The following GPRC5D variants were observed in gnomAD, a reference collection of about 807,000 sequenced individuals.
The protein encoded by GPRC5D is G protein-coupled receptor class C group 5 member D, also known as G protein-coupled receptor family C group 5 member D.
A neutral mutation model predicts 29.3 loss-of-function variants in GPRC5D; 20 were observed. The ratio of observed to expected loss-of-function variants is 0.68; its 90% CI spans 0.48 to 0.99. The LOEUF (loss-of-function observed/expected upper bound fraction) is 0.99, where lower values mean the gene tolerates loss of function less well. GPRC5D is among the 50% of genes least tolerant of loss of function. The pLI is 0.00. For missense variants in GPRC5D, 384 were observed against 423.6 expected (o/e 0.91, Z 0.82); for synonymous variants, 178 against 171.3 (o/e 1.04, Z -0.30).
At chr12:12,950,491 T>C, upstream of GPRC5D, 1 of 770,576 alleles carries the variant, frequency 1.3e-6, no homozygotes, top group Non-Finnish European at 2.1e-6. Flanking sequence ...GCAAAAGTAA[T>C]TGTGCTTTTT....
chr12:12,944,046 T>C (rs987518384), intron 1 of GPRC5D, among the ~76,000 whole-genome samples: 2 of 152,226 alleles, frequency 1.3e-5, no homozygotes, highest in South Asian at 2.1e-4. Flanking sequence ...TCTCGGAGCC[T>C]GGGCACATGC....
At chr12:12,944,885 CTT>C (rs1485361103) in intron 1 of GPRC5D, among the ~76,000 whole-genome samples, 2 of 127,504 alleles carry the variant, frequency 1.6e-5, no homozygotes, top group African/African-American at 5.6e-5. Flanking sequence ...TTCTTTCTTT[CTT>C]TCTTTCTTTC....
At chr12:12,949,855 A>T (rs541470594) in exon 1 of GPRC5D, 3 of 1,614,182 alleles carry the variant, frequency 1.9e-6, no homozygotes, top group Middle Eastern at 1.6e-4. Context: ...CAGGAAGAGG[A>T]CATAGACCAG....
exon 1 of GPRC5D, chr12:12,950,149 G>C (rs1863456390): frequency 6.2e-7 from 1 of 1,613,954 alleles, no homozygotes; most frequent in African/African-American, 1.3e-5. Context: ...GATGATGAAG[G>C]CAAAAGCGAG....
At chr12:12,950,298 C>T (rs1863461613) in exon 1 of GPRC5D, 1 of 1,613,092 alleles carries the variant, frequency 6.2e-7, no homozygotes, top group African/African-American at 1.3e-5. Context: ...CAAGTATGGC[C>T]AGGGACTCCA....
rs375576408 is a variant in GPRC5D, at chr12:12,942,692, G to A, written c.896-364C>T. On this transcript the variant is annotated intron_variant, in intron 1 of 2. Transcript: ENST00000228887. ...GGAGGTTGCAGTGAGCCGAGATCAC[G>A]CCACTGCATTCCAGCCTGGGTGACA... 6.6e-4 allele frequency among the ~76,000 whole-genome samples: 100 copies of A among 152,250 alleles called. No homozygotes were observed. The East Asian group carries it at 0.012, about 19-fold the overall frequency.
rs199600088 is a variant in GPRC5D, at chr12:12,949,774, C to T, written c.611G>A (p.Arg204Lys). 5.0e-6 allele frequency: 8 copies of T among 1,614,062 alleles called. 1 individual carries two copies. The South Asian group carries it at 6.6e-5, about 13-fold the overall frequency. Residue 204 changes from arginine to lysine, a missense_variant, in exon 1 of 3, where the codon AGG becomes AAG. Arg to Lys is a conservative substitution (Grantham distance 26). Coordinates refer to ENST00000228887, the Ensembl canonical transcript of GPRC5D. ...GAAGAGCACAGTGATAAAGATGAGC[C>T]TTCCATGCTGCTTCCAGTTCTCACA...
chr12:12,949,165 T>G (rs1458805225), intron 1 of GPRC5D, among the ~76,000 whole-genome samples: 1 of 152,224 alleles, frequency 6.6e-6, no homozygotes, highest in Non-Finnish European at 1.5e-5. Context: ...AGGCCTAATT[T>G]AGGGCCAGTT....
At chr12:12,947,869 T>A (rs888273891) in intron 1 of GPRC5D, among the ~76,000 whole-genome samples, 2 of 152,216 alleles carry the variant, frequency 1.3e-5, no homozygotes, top group African/African-American at 4.8e-5. Flanking sequence ...ATCTGTATGT[T>A]CTTTACAACA....
intron 1 of GPRC5D, among the ~76,000 whole-genome samples, chr12:12,944,197 G>A (rs1863217909): frequency 1.3e-5 from 2 of 152,048 alleles, no homozygotes; most frequent in African/African-American, 4.8e-5. Flanking sequence ...TTGAACTCCT[G>A]GACTCAAGTG....
chr12:12,944,833 CCTTCCTTCCT>C (rs1565477229), intron 1 of GPRC5D, among the ~76,000 whole-genome samples: 202 of 14,310 alleles, frequency 0.014, 14 homozygotes, highest in Non-Finnish European at 0.03. Flanking sequence ...TTCCTTCCTT[CCTTCCTTCCT>C]TCCTTCCTTC....
At chr12:12,950,966 C>T (rs570443105), upstream of GPRC5D, among the ~76,000 whole-genome samples, 6 of 151,760 alleles carry the variant, frequency 4.0e-5, no homozygotes, top group East Asian at 1.9e-4. Flanking sequence ...AAAAATTAGC[C>T]GGGCATGATG....
intron 1 of GPRC5D, among the ~76,000 whole-genome samples, chr12:12,942,666 C>T (rs924292928): frequency 2.0e-5 from 3 of 152,022 alleles, no homozygotes; most frequent in Non-Finnish European, 2.9e-5. Context: ...ACCTGGGAGG[C>T]GGAGGTTGCA....
At chr12:12,940,768 T>C (rs1338791922), downstream of GPRC5D, 1 of 1,570,856 alleles carries the variant, frequency 6.4e-7, no homozygotes, top group Admixed American at 1.7e-5. Context: ...TTGTGTTTCC[T>C]GTAGATTTAT....
intron 2 of GPRC5D, 145 bp downstream of exon 3, chr12:12,942,116 C>T: frequency 1.5e-6 from 1 of 658,362 alleles, no homozygotes. Flanking sequence ...CTGGGTGGCT[C>T]AAGCTCCACA....
upstream of GPRC5D, among the ~76,000 whole-genome samples, chr12:12,951,401 A>G (rs1379217235): frequency 6.6e-6 from 1 of 152,212 alleles, no homozygotes; most frequent in East Asian, 1.9e-4. Context: ...ATATGCAAAC[A>G]TAGTCTAAGG....
chr12:12,943,850 G>A (rs193005145), intron 1 of GPRC5D, among the ~76,000 whole-genome samples: 53 of 152,276 alleles, frequency 3.5e-4, no homozygotes, highest in Middle Eastern at 3.4e-3. Context: ...TAGTTCATGA[G>A]TTTACCAAAA....
At chr12:12,948,551 T>A (rs1000168465) in intron 1 of GPRC5D, 5 of 154,362 alleles carry the variant, frequency 3.2e-5, no homozygotes, top group African/African-American at 9.6e-5. Flanking sequence ...CATCATTACA[T>A]ATTAGAAATA....
At chr12:12,944,953 CTTTCCTTTT>C (rs1863271570) in intron 1 of GPRC5D, among the ~76,000 whole-genome samples, 1 of 141,382 alleles carries the variant, frequency 7.1e-6, no homozygotes, top group African/African-American at 2.6e-5. Flanking sequence ...CTTTCCTTTT[CTTTCCTTTT>C]CTTTCCTTTT....
Sources: allele counts gnomAD v4.1 joint callset (sites outside exome capture counted in the v4.1 genomes callset), GRCh38; gene constraint gnomAD v4.1.1; transcripts MANE v1.5; gene names NCBI Gene and HGNC (gene_info 2026-07-23, HGNC 2026-07-21).